The following RNF212 variants were observed in gnomAD, a reference collection of about 807,000 sequenced individuals.
The protein encoded by RNF212 is probable E3 SUMO-protein ligase RNF212.
RNF212 carries 33 observed loss-of-function variants against 34.7 expected under a neutral mutation model. The ratio of observed to expected loss-of-function variants is 0.95; its 90% CI spans 0.72 to 1.27. The LOEUF is 1.27. Among genes scored for constraint, RNF212 ranks in the 50% most tolerant of loss-of-function variants. The pLI, the probability that RNF212 is intolerant of heterozygous loss-of-function variation, is 0.00. For synonymous variants in RNF212, 140 were observed against 136.1 expected, an observed-to-expected ratio of 1.03 and a Z score of -0.20; for missense variants, 377 against 362.2, an observed-to-expected ratio of 1.04 and a Z score of -0.33.
Position 1,081,612 on chromosome 4 carries a change from A to T in RNF212, c.370T>A (p.Ser124Thr). ...GTGCTGAAAGCTGTTTGTTGTGATG[A>T]TCTCATACTAAATAGATGGAGAAAA... ...LQIEQLQSMR[S>T]SQQTAFSTIK... Residue 124 changes from serine (S) to threonine (T), a missense_variant, in exon 6 of 10, where the codon TCA becomes ACA. Transcript: ENST00000433731. 3 of 1,605,946 alleles carry T rather than the reference A, an allele frequency of 1.9e-6. No homozygotes were observed. The highest frequency in any genetic ancestry group is 2.6e-6 in the Non-Finnish European group (3 of 1,172,692).
rs776644357 is a variant in RNF212, at chr4:1,073,648, G to A, written c.525C>T (p.Ala175=). 12 of 1,611,494 alleles carry A rather than the reference G, an allele frequency of 7.4e-6. No individual in the cohort carries two copies. The highest frequency in any genetic ancestry group is 1.6e-4 in the Middle Eastern group (1 of 6,082). ...TAATCATGGAGATTCTCGCAGGGCC[G>A]GCTGCTATCTCAGACTAAGAATGCA... The part of the protein sequence containing the change: ...PSPIRKSEIA[A]GPARISMISP... The change falls in exon 9 of 10, where the codon GCC becomes GCT. Residue 175 remains alanine (A), a synonymous_variant. Transcript: ENST00000433731.
chr4:1,093,058 T>C (rs991531902), intron 3 of RNF212, among the ~76,000 whole-genome samples: 14 of 112,974 alleles, frequency 1.2e-4, no homozygotes, highest in African/African-American at 4.0e-4. Flanking sequence ...GAACGGATCT[T>C]AGAGGATTAC....
At chr4:1,094,052 T>TTGCTGCAGTGGGATAA (rs374030388) in intron 3 of RNF212, 11 of 1,501,700 alleles carry the variant, frequency 7.3e-6, no homozygotes, top group South Asian at 2.6e-5. Context: ...GCAAGGAAGC[T>TTGCTGCAGTGGGATAA]CCCAGAGGAG....
At chr4:1,057,136 C>G (rs1045361950) in intron 4 of RNF212, 4 of 257,500 alleles carry the variant, frequency 1.6e-5, no homozygotes, top group Non-Finnish European at 2.4e-5. Context: ...CGGAGCAGCA[C>G]GCACACCCCC....
chr4:1,092,375 T>A (rs1482587503), intron 3 of RNF212, among the ~76,000 whole-genome samples: 1 of 152,064 alleles, frequency 6.6e-6, no homozygotes, highest in African/African-American at 2.4e-5. Context: ...AGGGTGGAGC[T>A]GGGGAGCCTC....
chr4:1,085,947 C>T lies in RNF212; in HGVS notation c.311G>A (p.Arg104Lys). Residue 104 changes from arginine to lysine, a missense_variant, in exon 5 of 10, where the codon AGG (arginine) becomes AAG (lysine). Physicochemically the swap from Arg to Lys is conservative, Grantham distance 26. Coordinates refer to ENST00000433731, the MANE Select transcript of RNF212 (RefSeq NM_001131034.4). ...TGACTTCCTAAGGGATTCTTCCAAC[C>T]TAGAAATCTAAACATAATTACACAA... ...LLAFYREKIS[R>K]LEESLRKSVL... 6.2e-7 allele frequency: 1 copy of T among 1,607,800 alleles called. No homozygotes were observed. Among genetic ancestry groups the T allele is most frequent in the Non-Finnish European group, 8.5e-7 (1 of 1,175,086 alleles).
chr4:1,076,807 G>T (rs1719381555), intron 8 of RNF212, among the ~76,000 whole-genome samples: 1 of 152,248 alleles, frequency 6.6e-6, no homozygotes, highest in Non-Finnish European at 1.5e-5. Flanking sequence ...TTTTGTTAAT[G>T]AAGTTTTATT....
At position 1,112,951 on chromosome 4, in the gene RNF212, C is replaced by T. The variant is rs563353957; in HGVS notation, c.109+405G>A. On this transcript the variant is annotated intron_variant, in intron 1 of 9. Coordinates refer to ENST00000433731, the MANE Select transcript of RNF212 (RefSeq NM_001131034.4). The stretch of plus-strand genomic sequence containing the variant: ...CCCGCAGCCCCTCACTCCCCCGCTC[C>T]CTCCCCACCGCTTCTCCAGTGTCCC... 1.0e-4 allele frequency among the ~76,000 whole-genome samples: 4 copies of T among 39,942 alleles called. No homozygotes were observed. In the South Asian group the frequency reaches 3.3e-3, roughly 33 times the overall value. 26.2% of individuals were successfully genotyped at this position (39,942 alleles called of 152,430 possible). A position where few individuals can be genotyped will look rare whatever the true frequency, so the allele number is the denominator to read the frequency against.
intron 2 of RNF212, 37 bp downstream of exon 2, chr4:1,108,306 T>G (rs760962679): frequency 7.6e-7 from 1 of 1,323,858 alleles, no homozygotes; most frequent in Admixed American, 2.8e-5. Flanking sequence ...GAAATATGAC[T>G]GTGATTAAGA....
intron 2 of RNF212, among the ~76,000 whole-genome samples, chr4:1,105,554 A>G (rs1724683609): frequency 1.3e-5 from 2 of 152,270 alleles, no homozygotes; most frequent in South Asian, 4.1e-4. Context: ...AGTGTCTGTC[A>G]CAATCAGGTC....
chr4:1,078,801 T>C (rs183677040), intron 8 of RNF212, among the ~76,000 whole-genome samples: 18 of 147,778 alleles, frequency 1.2e-4, no homozygotes, highest in East Asian at 1.2e-3. Flanking sequence ...AGGACCGACA[T>C]GGGACCAACA....
intron 3 of RNF212, chr4:1,093,929 C>T (rs938670755): frequency 5.2e-6 from 8 of 1,536,072 alleles, no homozygotes; most frequent in Non-Finnish European, 7.0e-6. Flanking sequence ...TGCTTGGCTT[C>T]CATGGGTCGA....
At chr4:1,098,389 G>A (rs1244253264) in intron 2 of RNF212, among the ~76,000 whole-genome samples, 2 of 152,222 alleles carry the variant, frequency 1.3e-5, no homozygotes, top group Non-Finnish European at 1.5e-5. Flanking sequence ...CAGCTCCAAA[G>A]CCTGGGGCAG....
chr4:1,079,055 AGGACCAACATG>A (rs1719865271), intron 8 of RNF212, among the ~76,000 whole-genome samples: 3 of 151,606 alleles, frequency 2.0e-5, no homozygotes, highest in Admixed American at 6.6e-5. Context: ...GAGTCAACAC[AGGACCAACATG>A]GGACCAACAC....
At chr4:1,108,276 T>G in intron 2 of RNF212, 67 bp downstream of exon 2, 1 of 1,101,702 alleles carries the variant, frequency 9.1e-7, no homozygotes, top group South Asian at 1.7e-5. Context: ...TGACTAAAAA[T>G]TAAATATCAA....
At chr4:1,062,512 C>T (rs775092947) in intron 3 of RNF212, among the ~76,000 whole-genome samples, 4 of 152,094 alleles carry the variant, frequency 2.6e-5, no homozygotes, top group African/African-American at 7.2e-5. Context: ...CTATAAAGGG[C>T]GCCTCCAGGA....
intron 3 of RNF212, among the ~76,000 whole-genome samples, chr4:1,060,830 G>A (rs1305364132): frequency 1.3e-5 from 2 of 152,222 alleles, no homozygotes; most frequent in Non-Finnish European, 2.9e-5. Flanking sequence ...TGAGTCTGCA[G>A]GGCAGACAAC....
chr4:1,098,581 A>T (rs1009855940), intron 2 of RNF212, among the ~76,000 whole-genome samples: 1 of 152,148 alleles, frequency 6.6e-6, no homozygotes, highest in Non-Finnish European at 1.5e-5. Flanking sequence ...CCTCCTATAC[A>T]CACCAAACTG....
At chr4:1,093,235 T>G (rs1412609771) in intron 3 of RNF212, 1 of 407,854 alleles carries the variant, frequency 2.5e-6, no homozygotes, top group Non-Finnish European at 4.0e-6. Context: ...TAAAAGTTAC[T>G]GAGGGCCCCA....
Sources: gnomAD v4.1 joint callset for allele counts (sites outside exome capture counted in the v4.1 genomes callset) on GRCh38, gnomAD v4.1.1 for gene constraint, MANE v1.5 for transcripts, NCBI Gene and HGNC (gene_info 2026-07-23, HGNC 2026-07-21) for gene names.